The following TNRC6B variants were observed in gnomAD, a reference collection of about 807,000 sequenced individuals.
TNRC6B encodes trinucleotide repeat containing adaptor 6B.
TNRC6B carries 52 observed loss-of-function variants against 203.6 expected under a neutral mutation model. That is an observed-to-expected ratio of 0.26 (90% CI 0.20 to 0.32). The LOEUF is 0.32. Among genes scored for constraint, TNRC6B ranks in the 10% least tolerant of loss-of-function variants. The probability of loss-of-function intolerance (pLI) is 1.00; values close to 1 mark genes in which losing one functional copy is unlikely to be tolerated. For missense variants in TNRC6B, 1,923 were observed against 2,286.2 expected, an observed-to-expected ratio of 0.84 and a Z score of 3.24; for synonymous variants, 838 against 845.7, an observed-to-expected ratio of 0.99 and a Z score of 0.16.
At chr22:40,119,799 C>T (rs191850181) in intron 2 of TNRC6B, among the ~76,000 whole-genome samples, 37 of 152,278 alleles carry the variant, frequency 2.4e-4, no homozygotes, top group Non-Finnish European at 4.4e-4. Context: ...CTTAGTTAAC[C>T]GCACACTTCT....
intron 12 of TNRC6B, among the ~76,000 whole-genome samples, chr22:40,291,271 G>C (rs564906260): frequency 6.6e-6 from 1 of 152,148 alleles, no homozygotes; most frequent in Non-Finnish European, 1.5e-5. Flanking sequence ...TGTAGTCCCA[G>C]CTACTTGGGA....
At chr22:40,316,105 A>C in intron 21 of TNRC6B, 93 bp downstream of exon 21, 2 of 1,225,708 alleles carry the variant, frequency 1.6e-6, no homozygotes, top group Non-Finnish European at 2.4e-6. Context: ...CTGTAATCCA[A>C]GCACTTTGGG....
chr22:40,103,878 C>T (rs1003976194), intron 1 of TNRC6B, among the ~76,000 whole-genome samples: 3 of 151,332 alleles, frequency 2.0e-5, no homozygotes, highest in African/African-American at 7.3e-5. Context: ...CCTGACCTCA[C>T]GTGATCTGCC....
intron 2 of TNRC6B, among the ~76,000 whole-genome samples, chr22:40,125,012 CAA>C (rs58332939): frequency 1.3e-4 from 15 of 115,888 alleles, no homozygotes; most frequent in Admixed American, 2.7e-4. Flanking sequence ...GACTGTGTCT[CAA>C]AAAAAAAAAA....
intron 1 of TNRC6B, among the ~76,000 whole-genome samples, chr22:40,056,968 G>C (rs2067802374): frequency 6.6e-6 from 1 of 152,192 alleles, no homozygotes; most frequent in African/African-American, 2.4e-5. Flanking sequence ...TTCATTGGAA[G>C]TTCCTTGTAG....
intron 1 of TNRC6B, among the ~76,000 whole-genome samples, chr22:40,217,009 A>C (rs191134848): frequency 6.6e-6 from 1 of 152,110 alleles, no homozygotes; most frequent in African/African-American, 2.4e-5. Context: ...CCTATATTCC[A>C]GTACAGCCCC....
intron 1 of TNRC6B, among the ~76,000 whole-genome samples, chr22:40,229,902 T>C (rs769829947): frequency 1.3e-5 from 2 of 152,240 alleles, no homozygotes; most frequent in Non-Finnish European, 2.9e-5. Context: ...TCAGCTCTTA[T>C]CAATAAAGCT....
At chr22:40,102,970 G>A (rs1035372286) in intron 1 of TNRC6B, among the ~76,000 whole-genome samples, 4 of 152,056 alleles carry the variant, frequency 2.6e-5, no homozygotes, top group Admixed American at 6.6e-5. Flanking sequence ...CCAGCTACTC[G>A]GGAGACTGAG....
At chr22:40,238,928 C>T (rs548741839) in intron 1 of TNRC6B, among the ~76,000 whole-genome samples, 3 of 151,232 alleles carry the variant, frequency 2.0e-5, no homozygotes, top group South Asian at 2.1e-4. Flanking sequence ...CTCGGCTGGG[C>T]GCAGTGGCTC....
chr22:40,154,863 ATATATATATATATATATATAT>A (rs2068803312), intron 3 of TNRC6B, among the ~76,000 whole-genome samples: 1 of 28,392 alleles, frequency 3.5e-5, no homozygotes, highest in Non-Finnish European at 5.6e-5. Context: ...AAAAAAAAAT[ATATATATATATATATATATAT>A]ATATATATAT....
At chr22:40,177,693 G>T (rs1260091589), upstream of TNRC6B, among the ~76,000 whole-genome samples, 1 of 152,180 alleles carries the variant, frequency 6.6e-6, no homozygotes, top group Non-Finnish European at 1.5e-5. Flanking sequence ...ACCAATAAAG[G>T]TTTTTCTGTT....
chr22:40,056,918 A>G (rs896327775), intron 1 of TNRC6B, among the ~76,000 whole-genome samples: 2 of 152,196 alleles, frequency 1.3e-5, no homozygotes. Context: ...TTGATGGGGC[A>G]AGGCCACCAG....
At chr22:40,065,219 C>T (rs1039405991) in intron 1 of TNRC6B, among the ~76,000 whole-genome samples, 2 of 151,932 alleles carry the variant, frequency 1.3e-5, no homozygotes, top group African/African-American at 4.8e-5. Flanking sequence ...GGATCTTAGC[C>T]CACTGTAACC....
intron 3 of TNRC6B, among the ~76,000 whole-genome samples, chr22:40,149,771 A>C (rs1031099132): frequency 2.1e-5 from 3 of 143,832 alleles, no homozygotes; most frequent in African/African-American, 8.0e-5. Context: ...TGATGATTTC[A>C]TGTGTATGTA....
At chr22:40,179,272 T>C (rs576780439) in intron 1 of TNRC6B, among the ~76,000 whole-genome samples, 1 of 152,200 alleles carries the variant, frequency 6.6e-6, no homozygotes, top group African/African-American at 2.4e-5. Flanking sequence ...GAGAGTGTGA[T>C]GTAATGCTTC....
intron 1 of TNRC6B, among the ~76,000 whole-genome samples, chr22:40,235,910 C>T (rs1660499485): frequency 6.6e-6 from 1 of 152,046 alleles, no homozygotes; most frequent in African/African-American, 2.4e-5. Flanking sequence ...AGTAGGAGTC[C>T]TTGACAAAAT....
intron 1 of TNRC6B, among the ~76,000 whole-genome samples, chr22:40,207,610 A>G (rs2069499791): frequency 6.6e-6 from 1 of 151,846 alleles, no homozygotes; most frequent in Non-Finnish European, 1.5e-5. Flanking sequence ...CCAGAATACA[A>G]TGCAGAACTC....
chr22:40,256,708 C>T (rs2070284553), intron 3 of TNRC6B, among the ~76,000 whole-genome samples: 1 of 152,180 alleles, frequency 6.6e-6, no homozygotes, highest in South Asian at 2.1e-4. Context: ...AAAATATTTA[C>T]TATCTGGCCC....
In TNRC6B at chr22:40,178,131, A is replaced by T; in HGVS notation, c.-5A>T. 1 of 1,613,626 alleles carries T rather than the reference A, an allele frequency of 6.2e-7. No homozygotes were observed. Among genetic ancestry groups the T allele is most frequent in the Non-Finnish European group, 8.5e-7 (1 of 1,179,774 alleles). ...ATTTGCTGGATTTAAGCACTGCTGC[A>T]CTTTATGAGGTTGGTAAATATTTTC... On this transcript the variant is annotated 5_prime_UTR_variant, in exon 1 of 23. Coordinates refer to ENST00000454349, the MANE Select transcript of TNRC6B (RefSeq NM_001162501.2).
Sources: gnomAD v4.1 joint callset for allele counts (sites outside exome capture counted in the v4.1 genomes callset) on GRCh38, gnomAD v4.1.1 for gene constraint, MANE v1.5 for transcripts, NCBI Gene and HGNC (gene_info 2026-07-23, HGNC 2026-07-21) for gene names.